The following TRIO variants were observed in gnomAD, a reference collection of about 807,000 sequenced individuals.
The protein encoded by TRIO is triple functional domain protein.
A neutral mutation model predicts 351.9 loss-of-function variants in TRIO; 58 were observed. The observed-to-expected ratio is 0.16, with a 90% CI of 0.13 to 0.21. TRIO has a LOEUF of 0.21. TRIO is among the 10% of genes least tolerant of loss of function. TRIO has a pLI of 1.00. For missense variants in TRIO, 3,201 were observed against 4,027.8 expected, an observed-to-expected ratio of 0.79 and a Z score of 5.56; for synonymous variants, 1,758 against 1,595.7, an observed-to-expected ratio of 1.10 and a Z score of -2.42.
At chr5:14,244,322 T>C (rs1794312448) in intron 1 of TRIO, among the ~76,000 whole-genome samples, 1 of 152,230 alleles carries the variant, frequency 6.6e-6, no homozygotes, top group Non-Finnish European at 1.5e-5. Context: ...GCATAGGATT[T>C]CTGAATGATG....
rs961976715 is a variant in TRIO at position 14,143,525 on chromosome 5, G to A, written c.-201G>A. ...GCCCCTCGGCCAGCTCGCGGCTACC[G>A]GGCGGAGTCCTCGTCTATGTGGGCG... On this transcript the variant is annotated 5_prime_UTR_variant, in exon 1 of 57. Transcript: ENST00000344204. 5.4e-5 allele frequency among the ~76,000 whole-genome samples: 8 copies of A among 147,438 alleles called. No individual in the cohort carries two copies. Among genetic ancestry groups the A allele is most frequent in the Non-Finnish European group, 1.1e-4 (7 of 66,268 alleles).
intron 1 of TRIO, among the ~76,000 whole-genome samples, chr5:14,169,197 C>CTTTTTTTTTTTTTTTT: frequency 7.1e-6 from 1 of 140,434 alleles, no homozygotes; most frequent in African/African-American, 2.6e-5. Context: ...ATAAAACTGC[C>CTTTTTTTTTTTTTTTT]TTTTTTTTTT....
rs16903388 is a variant in TRIO, at chr5:14,313,123, G to A, written c.1501-3390G>A. ...TTCCATGCTGTCTGGTTTTAAAGTG[G>A]GTCCAAGAGGTGTTATCTCGCCCAG... On this transcript the variant is annotated intron_variant, in intron 8 of 56. Transcript: ENST00000344204. Among the ~76,000 whole-genome samples the A allele has an allele frequency of 5.5e-3, 845 of 152,258 alleles. 8 individuals carry two copies. The highest frequency in any genetic ancestry group is 0.018 in the African/African-American group (760 of 41,528).
At chr5:14,482,851 T>TGACATAC (rs1755634939) in intron 46 of TRIO, 78 bp downstream of exon 46, 1 of 1,274,170 alleles carries the variant, frequency 7.8e-7, no homozygotes, top group African/African-American at 1.6e-5. Flanking sequence ...CTTTTAATGA[T>TGACATAC]GACATACCCT....
intron 1 of TRIO, among the ~76,000 whole-genome samples, chr5:14,160,540 G>C (rs1788384720): frequency 6.6e-6 from 1 of 152,214 alleles, no homozygotes; most frequent in Non-Finnish European, 1.5e-5. Context: ...ATAGTCTAAA[G>C]AGGCAAGATG....
At chr5:14,341,253 C>A (rs530055222) in intron 11 of TRIO, among the ~76,000 whole-genome samples, 2 of 152,304 alleles carry the variant, frequency 1.3e-5, no homozygotes, top group South Asian at 4.1e-4. Context: ...CTTTTGAATG[C>A]ATTTTTCACT....
Position 14,315,706 on chromosome 5 carries a change from T to C in TRIO, c.1501-807T>C, listed in dbSNP as rs925907713. On this transcript the variant is annotated intron_variant, in intron 8 of 56. Transcript: ENST00000344204. Reference sequence around the variant, plus strand: ...TGTGTTGTCTGATTGTCACTTTTTTTCCCCCCAATAACATCTGGCGTAATT... The same window carrying C: ...TGTGTTGTCTGATTGTCACTTTTTTCCCCCCCAATAACATCTGGCGTAATT... Among the ~76,000 whole-genome samples the C allele has an allele frequency of 1.1e-4, 17 of 152,246 alleles. No homozygotes were observed. The East Asian group carries it at 1.2e-3, about 10-fold the overall frequency.
chr5:14,447,067 C>T (rs1270794314), intron 34 of TRIO, among the ~76,000 whole-genome samples: 6 of 152,166 alleles, frequency 3.9e-5, no homozygotes, highest in African/African-American at 1.2e-4. Flanking sequence ...CCTGTCTCTA[C>T]TAAAATACAA....
intron 1 of TRIO, among the ~76,000 whole-genome samples, chr5:14,209,842 G>A (rs986141827): frequency 2.0e-5 from 3 of 152,254 alleles, no homozygotes; most frequent in Non-Finnish European, 4.4e-5. Context: ...ATCAGACTCA[G>A]ATCTTCTGGT....
In TRIO at chr5:14,419,854, G is replaced by A. The variant is rs755460231; in HGVS notation, c.5036G>A (p.Arg1679Gln). Residue 1679 changes from arginine to glutamine, a missense_variant, in exon 34 of 57, where the codon CGG becomes CAG. Physicochemically the swap from Arg to Gln is conservative, Grantham distance 43. Transcript: ENST00000344204. ...AACAGCAACGAGCTGACCATCCGAC[G>A]GGGCCAGACCGTGGAAGTTCTGGAG... is the stretch of plus-strand genomic sequence containing the variant. ...ACNSNELTIR[R>Q]GQTVEVLERP... 9.3e-6 allele frequency: 15 copies of A among 1,614,070 alleles called. No individual in the cohort carries two copies. The highest frequency in any genetic ancestry group is 6.6e-5 in the South Asian group (6 of 91,074).
chr5:14,480,705 A>C (rs956289082), intron 43 of TRIO, among the ~76,000 whole-genome samples: 2 of 152,214 alleles, frequency 1.3e-5, no homozygotes, highest in African/African-American at 4.8e-5. Context: ...GAACAATTGG[A>C]TAGATCTGGT....
At chr5:14,291,286 T>C (rs1033468505) in intron 5 of TRIO, 58 bp downstream of exon 5, 7 of 1,557,678 alleles carry the variant, frequency 4.5e-6, no homozygotes, top group Non-Finnish European at 6.1e-6. Flanking sequence ...CGCTGGTGGG[T>C]TCGGGTGGAA....
intron 1 of TRIO, among the ~76,000 whole-genome samples, chr5:14,171,349 C>T (rs1789087145): frequency 6.6e-6 from 1 of 152,170 alleles, no homozygotes; most frequent in Admixed American, 6.5e-5. Context: ...ATAATCACTG[C>T]TTTTGACCAA....
chr5:14,309,523 G>A (rs1738719189), intron 8 of TRIO, among the ~76,000 whole-genome samples: 1 of 152,198 alleles, frequency 6.6e-6, no homozygotes, highest in African/African-American at 2.4e-5. Context: ...TAAATCAGTG[G>A]TTTGCAGACT....
At chr5:14,277,528 A>G (rs1735640113) in intron 2 of TRIO, among the ~76,000 whole-genome samples, 1 of 152,222 alleles carries the variant, frequency 6.6e-6, no homozygotes, top group Non-Finnish European at 1.5e-5. Flanking sequence ...TGAGGCTGAC[A>G]TCTGTCCCGC....
intron 20 of TRIO, among the ~76,000 whole-genome samples, chr5:14,380,319 C>T (rs950914129): frequency 6.7e-6 from 1 of 148,396 alleles, no homozygotes; most frequent in South Asian, 2.1e-4. Flanking sequence ...CCTCCTCCTT[C>T]GCGCCCCGCC....
chr5:14,256,795 C>A (rs1308386992), intron 1 of TRIO, among the ~76,000 whole-genome samples: 1 of 152,174 alleles, frequency 6.6e-6, no homozygotes. Context: ...GTGTTTTGGT[C>A]GCAGAGTTGA....
At position 14,487,688 on chromosome 5, in the gene TRIO, T is replaced by C; in HGVS notation, c.7060T>C (p.Ser2354Pro). The C allele has an allele frequency of 7.0e-7, 1 of 1,420,298 alleles. No homozygotes were observed. Among genetic ancestry groups the C allele is most frequent in the South Asian group, 1.5e-5 (1 of 67,102 alleles). 88.0% of individuals were successfully genotyped at this position (1,420,298 alleles called of 1,614,324 possible). A position where few individuals can be genotyped will look rare whatever the true frequency, so the allele number is the denominator to read the frequency against. Residue 2354 changes from serine (S) to proline (P), a missense_variant, in exon 48 of 57, where the codon TCC becomes CCC. Coordinates refer to ENST00000344204, the MANE Select transcript of TRIO (RefSeq NM_007118.4). ...PVRHHPPVLVSSAASSQAEAD... is the reference protein window; with the variant it reads ...PVRHHPPVLVPSAASSQAEAD... ...CCGACACCACCCCCCCGTGCTGGTC[T>C]CCTCTGCAGCCTCGAGCCAGGCAGA... is the stretch of plus-strand genomic sequence containing the variant.
intron 1 of TRIO, among the ~76,000 whole-genome samples, chr5:14,243,249 C>A (rs571359259): frequency 6.6e-6 from 1 of 152,074 alleles, no homozygotes; most frequent in Admixed American, 6.6e-5. Flanking sequence ...GTTACTCCCC[C>A]CTCCCTCTCC....
Sources: gnomAD v4.1 joint callset for allele counts (sites outside exome capture counted in the v4.1 genomes callset) on GRCh38, gnomAD v4.1.1 for gene constraint, MANE v1.5 for transcripts, NCBI Gene and HGNC (gene_info 2026-07-23, HGNC 2026-07-21) for gene names.